The following AK5 variants were observed in gnomAD, a reference collection of about 807,000 sequenced individuals.
AK5 encodes adenylate kinase isoenzyme 5.
A neutral mutation model predicts 69.5 loss-of-function variants in AK5; 27 were observed. The ratio of observed to expected loss-of-function variants is 0.39; its 90% CI spans 0.29 to 0.54. AK5 has a LOEUF of 0.54. AK5 is among the 20% of genes least tolerant of loss of function. The probability of loss-of-function intolerance (pLI) is 0.71; values close to 1 mark genes in which losing one functional copy is unlikely to be tolerated. For missense variants in AK5, 531 were observed against 700.4 expected, an observed-to-expected ratio of 0.76 and a Z score of 2.73; for synonymous variants, 260 against 244.4, an observed-to-expected ratio of 1.06 and a Z score of -0.60.
chr1:77,307,023 A>G (rs1659679412), intron 5 of AK5, among the ~76,000 whole-genome samples: 1 of 151,734 alleles, frequency 6.6e-6, no homozygotes, highest in African/African-American at 2.4e-5. Flanking sequence ...TTTCTTTGTC[A>G]ATTTCATTTT....
At chr1:77,489,196 T>C (rs1157357761) in intron 10 of AK5, among the ~76,000 whole-genome samples, 1 of 152,208 alleles carries the variant, frequency 6.6e-6, no homozygotes, top group Non-Finnish European at 1.5e-5. Context: ...TCTTTGGAAT[T>C]AGACAAAGCT....
In AK5 at chr1:77,359,966, A is replaced by T. The variant is rs142964093; in HGVS notation, c.891+19398A>T. On this transcript the variant is annotated intron_variant, in intron 6 of 13. Coordinates refer to ENST00000354567, the MANE Select transcript of AK5 (RefSeq NM_174858.3). ...TGAGTTAGCTGGAGCTGAGAGATAGATTGGTAAGGGACCAAGTAGAGTTTA... is the reference window on the plus strand; with the variant it reads ...TGAGTTAGCTGGAGCTGAGAGATAGTTTGGTAAGGGACCAAGTAGAGTTTA... Among the ~76,000 whole-genome samples the T allele has an allele frequency of 9.3e-4, 141 of 152,286 alleles. 3 individuals carry two copies. Among genetic ancestry groups the T allele is most frequent in the African/African-American group, 3.3e-3 (136 of 41,574 alleles).
chr1:77,512,947 G>A (rs1247483127), intron 10 of AK5, among the ~76,000 whole-genome samples: 1 of 152,188 alleles, frequency 6.6e-6, no homozygotes, highest in African/African-American at 2.4e-5. Flanking sequence ...TGAGGAGGGA[G>A]ACCCTAAAGT....
intron 10 of AK5, among the ~76,000 whole-genome samples, chr1:77,498,233 G>C (rs1656474163): frequency 6.6e-6 from 1 of 152,200 alleles, no homozygotes; most frequent in South Asian, 2.1e-4. Context: ...TTGGCAACAG[G>C]TGAGTTATTG....
intron 8 of AK5, among the ~76,000 whole-genome samples, chr1:77,454,994 G>T (rs74092625): frequency 6.6e-6 from 1 of 152,134 alleles, no homozygotes; most frequent in Non-Finnish European, 1.5e-5. Context: ...AAGCAATGAT[G>T]ATTAACAGCT....
intron 2 of AK5, among the ~76,000 whole-genome samples, chr1:77,288,065 A>G (rs1658465381): frequency 6.6e-6 from 1 of 152,190 alleles, no homozygotes; most frequent in South Asian, 2.1e-4. Flanking sequence ...TACTGAATGC[A>G]ATGTATTAAT....
intron 7 of AK5, among the ~76,000 whole-genome samples, chr1:77,415,565 C>T (rs969780209): frequency 6.6e-6 from 1 of 152,138 alleles, no homozygotes; most frequent in Non-Finnish European, 1.5e-5. Context: ...CAATAGCAGC[C>T]ACCTAGAAGG....
chr1:77,444,081 C>T (rs905453425), intron 8 of AK5, among the ~76,000 whole-genome samples: 1 of 149,838 alleles, frequency 6.7e-6, no homozygotes, highest in African/African-American at 2.5e-5. Context: ...ATCCTTTGAC[C>T]TATAGCTACC....
At chr1:77,370,497 A>G (rs1051566862) in intron 6 of AK5, among the ~76,000 whole-genome samples, 1 of 152,174 alleles carries the variant, frequency 6.6e-6, no homozygotes, top group African/African-American at 2.4e-5. Flanking sequence ...CATGATTACT[A>G]GATAATCCAC....
intron 6 of AK5, among the ~76,000 whole-genome samples, chr1:77,345,699 C>T (rs533064646): frequency 1.4e-4 from 21 of 152,290 alleles, no homozygotes; most frequent in South Asian, 8.3e-4. Flanking sequence ...CAGACATTGT[C>T]CCCAAGTCCC....
chr1:77,400,139 G>C (rs1649109316), intron 6 of AK5, among the ~76,000 whole-genome samples: 1 of 152,190 alleles, frequency 6.6e-6, no homozygotes, highest in African/African-American at 2.4e-5. Context: ...TCTGGACCTG[G>C]CTTGGCACAG....
At chr1:77,405,900 C>G (rs898611930) in intron 6 of AK5, among the ~76,000 whole-genome samples, 1 of 151,786 alleles carries the variant, frequency 6.6e-6, no homozygotes, top group Non-Finnish European at 1.5e-5. Flanking sequence ...TTGCCTTACT[C>G]CCCTTTTCCA....
intron 6 of AK5, among the ~76,000 whole-genome samples, chr1:77,367,552 T>TAC (rs1646975538): frequency 1.5e-3 from 7 of 4,644 alleles, no homozygotes; most frequent in Non-Finnish European, 4.6e-3. Context: ...TCATTTATGT[T>TAC]ATTTTTATAT....
chr1:77,354,585 A>G (rs1343412023), intron 6 of AK5, among the ~76,000 whole-genome samples: 1 of 152,262 alleles, frequency 6.6e-6, no homozygotes, highest in Non-Finnish European at 1.5e-5. Flanking sequence ...GAATTGTACT[A>G]CATCCGTTCA....
chr1:77,444,230 ATATAG>A (rs1434407289), intron 8 of AK5, among the ~76,000 whole-genome samples: 2 of 92,488 alleles, frequency 2.2e-5, no homozygotes, highest in African/African-American at 3.5e-5. Context: ...ATGTATATAT[ATATAG>A]TATATATATA....
intron 6 of AK5, among the ~76,000 whole-genome samples, chr1:77,383,779 G>C (rs1380045380): frequency 1.3e-5 from 2 of 152,028 alleles, no homozygotes; most frequent in African/African-American, 4.8e-5. Flanking sequence ...GTTTTTAAGT[G>C]ATAATAATGC....
At position 77,352,779 on chromosome 1, in the gene AK5, A is replaced by G. The variant is rs145997497; in HGVS notation, c.891+12211A>G. ...ACACAGAAGGAAGTGAAGAAAAGAA[A>G]ACATTTGATTGGTTACTGTTATACA... is the stretch of plus-strand genomic sequence containing the variant. On this transcript the variant is annotated intron_variant, in intron 6 of 13. Transcript: ENST00000354567. Among the ~76,000 whole-genome samples the G allele has an allele frequency of 7.1e-4, 108 of 152,356 alleles. 1 individual carries two copies. The Middle Eastern group carries it at 0.01, about 14-fold the overall frequency.
At chr1:77,389,725 G>C (rs187649564) in intron 6 of AK5, among the ~76,000 whole-genome samples, 1 of 152,156 alleles carries the variant, frequency 6.6e-6, no homozygotes, top group Admixed American at 6.5e-5. Flanking sequence ...ACTTTGGGAC[G>C]CTGAGACAGA....
At chr1:77,420,002 T>C (rs891663642) in intron 8 of AK5, among the ~76,000 whole-genome samples, 3 of 152,148 alleles carry the variant, frequency 2.0e-5, no homozygotes, top group Admixed American at 2.0e-4. Flanking sequence ...TTTAGGCACT[T>C]AGAATATAAT....
Sources: gnomAD v4.1 joint callset for allele counts (sites outside exome capture counted in the v4.1 genomes callset) on GRCh38, gnomAD v4.1.1 for gene constraint, MANE v1.5 for transcripts, NCBI Gene and HGNC (gene_info 2026-07-23, HGNC 2026-07-21) for gene names.